PRKG1: variants seen among roughly 807,000 people sequenced by gnomAD.
PRKG1 encodes protein kinase cGMP-dependent 1.
Under a neutral mutation model 88.1 loss-of-function variants are expected in PRKG1, and 35 were observed. That is an observed-to-expected ratio of 0.40 (90% CI 0.30 to 0.53). PRKG1 has a LOEUF of 0.53. PRKG1 is among the 20% of genes least tolerant of loss of function. PRKG1 has a pLI of 0.59. For synonymous variants in PRKG1, 303 were observed against 292.5 expected (o/e 1.04, Z -0.37); for missense variants, 540 against 839.8 (o/e 0.64, Z 4.41).
intron 1 of PRKG1, among the ~76,000 whole-genome samples, chr10:51,146,163 TG>T (rs1286511634): frequency 5.3e-5 from 8 of 151,362 alleles, no homozygotes; most frequent in Non-Finnish European, 1.0e-4. Flanking sequence ...CACTCCAGCC[TG>T]GGTGACAGAA....
chr10:51,133,450 G>GT, intron 1 of PRKG1, among the ~76,000 whole-genome samples: 2 of 152,288 alleles, frequency 1.3e-5, no homozygotes, highest in South Asian at 4.1e-4. Context: ...CCAGAGATAG[G>GT]TGTTGTTTTC....
intron 3 of PRKG1, among the ~76,000 whole-genome samples, chr10:51,759,257 T>C (rs188153270): frequency 6.6e-6 from 1 of 152,142 alleles, no homozygotes; most frequent in African/African-American, 2.4e-5. Context: ...TTCTAGGTCT[T>C]TGAGGATCTT....
chr10:51,757,359 C>T (rs1408807689), intron 3 of PRKG1, among the ~76,000 whole-genome samples: 1 of 152,018 alleles, frequency 6.6e-6, no homozygotes. Flanking sequence ...CTGCCTTGGC[C>T]TCCCAAAGTG....
chr10:51,028,755 C>T (rs1420670449), intron 1 of PRKG1, among the ~76,000 whole-genome samples: 1 of 152,038 alleles, frequency 6.6e-6, no homozygotes. Flanking sequence ...GTGGCAAAAC[C>T]AGGCAGGATA....
chr10:51,834,347 G>T (rs543854043), intron 4 of PRKG1, among the ~76,000 whole-genome samples: 2 of 152,002 alleles, frequency 1.3e-5, no homozygotes, highest in Non-Finnish European at 2.9e-5. Context: ...TTTATTGAAA[G>T]TAAGGGAGGG....
At chr10:51,023,404 G>A (rs376217466) in intron 1 of PRKG1, among the ~76,000 whole-genome samples, 1 of 152,146 alleles carries the variant, frequency 6.6e-6, no homozygotes, top group Admixed American at 6.6e-5. Context: ...GAAAGTCATG[G>A]CCCTTTTCAC....
chr10:52,238,601 C>A (rs1840756298), intron 9 of PRKG1, among the ~76,000 whole-genome samples: 1 of 150,688 alleles, frequency 6.6e-6, no homozygotes, highest in South Asian at 2.1e-4. Flanking sequence ...CAGAGAAATG[C>A]AAATCAAAAC....
At chr10:51,025,449 C>G (rs982885069) in intron 1 of PRKG1, among the ~76,000 whole-genome samples, 1 of 146,840 alleles carries the variant, frequency 6.8e-6, no homozygotes, top group Non-Finnish European at 1.5e-5. Context: ...CCAGAGCTGA[C>G]TCTTTCTGCT....
intron 2 of PRKG1, among the ~76,000 whole-genome samples, chr10:51,309,016 T>C (rs1216806452): frequency 1.3e-5 from 2 of 152,088 alleles, no homozygotes; most frequent in African/African-American, 4.8e-5. Flanking sequence ...CCTGGGGTAA[T>C]GTAATCAAAA....
chr10:51,520,942 A>G (rs1247570995), intron 3 of PRKG1, among the ~76,000 whole-genome samples: 1 of 152,222 alleles, frequency 6.6e-6, no homozygotes, highest in Non-Finnish European at 1.5e-5. Flanking sequence ...AGGAGGTTTT[A>G]ATCAGAAGCT....
At chr10:51,822,865 A>T (rs765487081) in intron 4 of PRKG1, among the ~76,000 whole-genome samples, 1 of 151,978 alleles carries the variant, frequency 6.6e-6, no homozygotes, top group Non-Finnish European at 1.5e-5. Flanking sequence ...TTTGTTTTGC[A>T]TACAGCTGAT....
intron 1 of PRKG1, among the ~76,000 whole-genome samples, chr10:51,113,329 A>G (rs1049841713): frequency 2.6e-5 from 4 of 152,258 alleles, no homozygotes; most frequent in Admixed American, 6.5e-5. Context: ...CTATATTTTT[A>G]TGCCTTTCTG....
At chr10:51,891,516 G>A (rs1415429883) in intron 4 of PRKG1, among the ~76,000 whole-genome samples, 2 of 152,014 alleles carry the variant, frequency 1.3e-5, no homozygotes, top group Non-Finnish European at 2.9e-5. Flanking sequence ...ATATATTCTT[G>A]CATTTATTCT....
intron 2 of PRKG1, among the ~76,000 whole-genome samples, chr10:51,253,529 G>T (rs923755694): frequency 4.0e-5 from 6 of 151,826 alleles, no homozygotes; most frequent in African/African-American, 1.5e-4. Context: ...CTCTGAGTTG[G>T]ATGTTACATA....
At chr10:51,951,065 C>G (rs1331782482) in intron 5 of PRKG1, among the ~76,000 whole-genome samples, 1 of 152,106 alleles carries the variant, frequency 6.6e-6, no homozygotes, top group Non-Finnish European at 1.5e-5. Context: ...AGGCATTATT[C>G]AGAAAAAAAT....
At chr10:51,793,998 A>G (rs1838942964) in intron 3 of PRKG1, among the ~76,000 whole-genome samples, 1 of 152,072 alleles carries the variant, frequency 6.6e-6, no homozygotes, top group African/African-American at 2.4e-5. Flanking sequence ...CCCTGACCTC[A>G]GTTGATCTGC....
chr10:51,990,464 G>A (rs574261453), intron 5 of PRKG1, among the ~76,000 whole-genome samples: 26 of 152,110 alleles, frequency 1.7e-4, no homozygotes, highest in South Asian at 6.2e-4. Flanking sequence ...ATCCATGATC[G>A]TAGTATTTCT....
intron 2 of PRKG1, among the ~76,000 whole-genome samples, chr10:51,237,357 A>G (rs749646044): frequency 6.6e-5 from 10 of 152,242 alleles, no homozygotes; most frequent in Non-Finnish European, 1.0e-4. Flanking sequence ...CTCTAGGGAC[A>G]CATGCTCCGG....
intron 9 of PRKG1, among the ~76,000 whole-genome samples, chr10:52,178,647 T>G (rs1049314426): frequency 1.3e-5 from 2 of 152,138 alleles, no homozygotes. Flanking sequence ...TTAGATCTAA[T>G]AATATTTGCT....
Sources: allele counts gnomAD v4.1 joint callset (sites outside exome capture counted in the v4.1 genomes callset), GRCh38; gene constraint gnomAD v4.1.1; transcripts MANE v1.5; gene names NCBI Gene and HGNC (gene_info 2026-07-23, HGNC 2026-07-21).